HTR1D: variants seen among roughly 807,000 people sequenced by gnomAD.
The protein encoded by HTR1D is 5-HT-1D.
A neutral mutation model predicts 21.1 loss-of-function variants in HTR1D; 18 were observed. The ratio of observed to expected loss-of-function variants is 0.85; its 90% CI spans 0.59 to 1.27. HTR1D has a LOEUF of 1.27. Among genes scored for constraint, HTR1D ranks in the 50% most tolerant of loss-of-function variants. HTR1D has a pLI of 0.00. For missense variants in HTR1D, 456 were observed against 481.4 expected (o/e 0.95, Z 0.49); for synonymous variants, 196 against 204.4 (o/e 0.96, Z 0.35).
chr1:23,211,986 A>G (rs541939786), intron 1 of HTR1D, among the ~76,000 whole-genome samples: 65 of 151,966 alleles, frequency 4.3e-4, no homozygotes, highest in African/African-American at 1.5e-3. Flanking sequence ...TACATTTCCT[A>G]TTGTTTACCT....
intron 1 of HTR1D, among the ~76,000 whole-genome samples, chr1:23,212,682 A>G (rs985224705): frequency 2.6e-5 from 4 of 152,194 alleles, no homozygotes; most frequent in African/African-American, 9.6e-5. Flanking sequence ...AATGAATAAA[A>G]AAAGAATACT....
intron 1 of HTR1D, among the ~76,000 whole-genome samples, chr1:23,207,987 T>C (rs1442467544): frequency 6.6e-6 from 1 of 152,006 alleles, no homozygotes; most frequent in African/African-American, 2.4e-5. Context: ...GGTCTCGAAC[T>C]CTTGACCTCA....
intron 1 of HTR1D, among the ~76,000 whole-genome samples, chr1:23,214,607 AC>A (rs1644766458): frequency 2.6e-5 from 4 of 152,002 alleles, no homozygotes; most frequent in Admixed American, 1.3e-4. Flanking sequence ...CTTTGGCAAC[AC>A]CTTGACCAGC....
intron 1 of HTR1D, among the ~76,000 whole-genome samples, chr1:23,202,039 G>A (rs550042625): frequency 1.8e-4 from 28 of 152,076 alleles, no homozygotes; most frequent in African/African-American, 6.7e-4. Flanking sequence ...CACAGCAGGT[G>A]TTTTTTTAAT....
At position 23,193,588 on chromosome 1, in the gene HTR1D, A is replaced by G. The variant is rs1408904243; in HGVS notation, c.632T>C (p.Val211Ala). 2.5e-6 allele frequency: 4 copies of G among 1,614,122 alleles called. No individual in the cohort carries two copies. The highest frequency in any genetic ancestry group is 3.4e-6 in the Non-Finnish European group (4 of 1,179,980). The change falls in exon 2 of 2, where the codon GTG (valine) becomes GCG (alanine). Residue 211 changes from valine (V) to alanine (A), a missense_variant. Coordinates refer to ENST00000374619, the MANE Select transcript of HTR1D (RefSeq NM_000864.5). ...STCGAFYIPS[V>A]LLIILYGRIY... Reference sequence around the variant, plus strand: ...CCGGCCATATAGGATGATGAGCAACACCGAGGGAATGTAGAAGGCCCCACA... The same window carrying G: ...CCGGCCATATAGGATGATGAGCAACGCCGAGGGAATGTAGAAGGCCCCACA...
rs1165084559 is a variant in HTR1D at position 23,194,861 on chromosome 1, C to T, written c.-642G>A. On this transcript the variant is annotated 5_prime_UTR_variant, in exon 2 of 2. Transcript: ENST00000374619. ...TGACGCATCCTGAGCTACTTAACTT[C>T]GGTTCCTATCCCACTGATCGTTTTA... 2 of 152,448 alleles carry T rather than the reference C, an allele frequency of 1.3e-5. No homozygotes were observed. The highest frequency in any genetic ancestry group is 2.4e-5 in the African/African-American group (1 of 41,452). 9.4% of individuals were successfully genotyped at this position (152,448 alleles called of 1,614,324 possible).
chr1:23,203,563 G>A (rs1644717863), intron 1 of HTR1D, among the ~76,000 whole-genome samples: 1 of 152,108 alleles, frequency 6.6e-6, no homozygotes, highest in Non-Finnish European at 1.5e-5. Context: ...AGGCTGAGGT[G>A]GGAGAACTGC....
chr1:23,196,958 T>C (rs1026313208), intron 1 of HTR1D, among the ~76,000 whole-genome samples: 26 of 152,094 alleles, frequency 1.7e-4, no homozygotes, highest in Admixed American at 1.5e-3. Context: ...GAAGTTTTGC[T>C]CCCATTTTGG....
At position 23,193,999 on chromosome 1, in the gene HTR1D, T is replaced by C; in HGVS notation, c.221A>G (p.Asn74Ser). ...LLTRKLHTPA[N>S]YLIGSLATTD... Reference sequence around the variant, plus strand: ...GGTGGCCAGGGAGCCAATCAGGTAGTTGGCAGGGGTGTGGAGCTTCCTGGT... The same window carrying C: ...GGTGGCCAGGGAGCCAATCAGGTAGCTGGCAGGGGTGTGGAGCTTCCTGGT... Residue 74 changes from asparagine to serine, a missense_variant, in exon 2 of 2, where the codon AAC (asparagine) becomes AGC (serine). Asn to Ser is a conservative substitution (Grantham distance 46, BLOSUM62 1). Coordinates refer to ENST00000374619, the MANE Select transcript of HTR1D (RefSeq NM_000864.5). The C allele has an allele frequency of 6.2e-7, 1 of 1,614,048 alleles. No homozygotes were observed.
At chr1:23,202,346 G>C (rs1473706511) in intron 1 of HTR1D, among the ~76,000 whole-genome samples, 1 of 152,102 alleles carries the variant, frequency 6.6e-6, no homozygotes, top group Non-Finnish European at 1.5e-5. Flanking sequence ...GCCCGTCTGA[G>C]CCTCCCAAAG....
chr1:23,206,127 C>T (rs1435150859), intron 1 of HTR1D, among the ~76,000 whole-genome samples: 2 of 151,812 alleles, frequency 1.3e-5, no homozygotes, highest in Admixed American at 1.3e-4. Context: ...CTGCAAGCTC[C>T]GCCTCCTGGG....
chr1:23,206,044 CCTTT>C (rs1644729122), intron 1 of HTR1D, among the ~76,000 whole-genome samples: 1 of 151,784 alleles, frequency 6.6e-6, no homozygotes, highest in Admixed American at 6.6e-5. Flanking sequence ...AATCTTCCTT[CCTTT>C]CTTTTTTTTT....
intron 1 of HTR1D, among the ~76,000 whole-genome samples, chr1:23,195,386 G>T (rs539413647): frequency 3.9e-5 from 6 of 152,232 alleles, no homozygotes; most frequent in Admixed American, 3.3e-4. Context: ...GTATGGGGGG[G>T]GGTGGCCCTT....
intron 1 of HTR1D, among the ~76,000 whole-genome samples, chr1:23,210,894 A>G (rs1401426058): frequency 1.3e-5 from 2 of 152,070 alleles, no homozygotes; most frequent in Non-Finnish European, 2.9e-5. Flanking sequence ...GTCCGCAGAG[A>G]ACACTTTGAG....
chr1:23,204,709 G>C (rs1644722997), intron 1 of HTR1D, among the ~76,000 whole-genome samples: 1 of 152,226 alleles, frequency 6.6e-6, no homozygotes, highest in Non-Finnish European at 1.5e-5. Context: ...TCTAGAGGCT[G>C]TGCATGTTTC....
intron 1 of HTR1D, among the ~76,000 whole-genome samples, chr1:23,208,043 G>A (rs570066745): frequency 9.9e-5 from 15 of 152,082 alleles, no homozygotes; most frequent in Admixed American, 3.9e-4. Context: ...GATTATAGGC[G>A]TGAGCCACTG....
At chr1:23,211,833 A>G (rs2148244179) in intron 1 of HTR1D, among the ~76,000 whole-genome samples, 1 of 151,530 alleles carries the variant, frequency 6.6e-6, no homozygotes, top group East Asian at 1.9e-4. Flanking sequence ...CAAATTTTAA[A>G]AAAATTTTTT....
At chr1:23,211,398 C>T (rs1308670906) in intron 1 of HTR1D, among the ~76,000 whole-genome samples, 2 of 152,076 alleles carry the variant, frequency 1.3e-5, no homozygotes, top group African/African-American at 4.8e-5. Flanking sequence ...GGACAGGTAG[C>T]CTGCTGCAAC....
chr1:23,209,987 G>GT (rs1394320462), intron 1 of HTR1D, among the ~76,000 whole-genome samples: 3 of 152,208 alleles, frequency 2.0e-5, no homozygotes, highest in Non-Finnish European at 4.4e-5. Flanking sequence ...GGGGAAGGAA[G>GT]TGGTGACTGG....
Sources: allele counts gnomAD v4.1 joint callset (sites outside exome capture counted in the v4.1 genomes callset), GRCh38; gene constraint gnomAD v4.1.1; transcripts MANE v1.5; gene names NCBI Gene and HGNC (gene_info 2026-07-23, HGNC 2026-07-21).